Variants in AKAP13 observed in about 807,000 individuals in gnomAD.
The protein encoded by AKAP13 is A-kinase anchor protein 13.
In AKAP13, 80 loss-of-function variants were observed where a neutral mutation model predicts 264.5. The ratio of observed to expected loss-of-function variants is 0.30; its 90% CI spans 0.25 to 0.36. AKAP13 has a LOEUF of 0.36. AKAP13 is among the 10% of genes least tolerant of loss of function. The probability of loss-of-function intolerance (pLI) is 1.00; values close to 1 mark genes in which losing one functional copy is unlikely to be tolerated. For synonymous variants in AKAP13, 1,380 were observed against 1,250.2 expected, an observed-to-expected ratio of 1.10 and a Z score of -2.19; for missense variants, 3,712 against 3,435.2, an observed-to-expected ratio of 1.08 and a Z score of -2.01.
intron 8 of AKAP13, among the ~76,000 whole-genome samples, chr15:85,600,153 C>T (rs2079991562): frequency 6.6e-6 from 1 of 152,052 alleles, no homozygotes; most frequent in African/African-American, 2.4e-5. Context: ...GATAACTAAA[C>T]ATAAGCCTCT....
intron 8 of AKAP13, among the ~76,000 whole-genome samples, chr15:85,587,577 G>C (rs1267061559): frequency 6.6e-6 from 1 of 151,722 alleles, no homozygotes; most frequent in Non-Finnish European, 1.5e-5. Flanking sequence ...CATTTATTTG[G>C]CTTCAAAAAT....
At chr15:85,402,031 C>CCTTGGGCAG (rs2071444752) in intron 1 of AKAP13, among the ~76,000 whole-genome samples, 1 of 152,162 alleles carries the variant, frequency 6.6e-6, no homozygotes, top group Non-Finnish European at 1.5e-5. Context: ...TAGTTTGCTG[C>CCTTGGGCAG]CAACAACCTT....
intron 17 of AKAP13, among the ~76,000 whole-genome samples, chr15:85,694,946 C>T (rs1353355818): frequency 7.2e-5 from 11 of 152,016 alleles, no homozygotes; most frequent in Admixed American, 7.2e-4. Context: ...AGTTAACTTA[C>T]TGAAATCTGA....
Position 85,475,121 on chromosome 15 carries a change from G to A in AKAP13, c.-11-10589G>A, listed in dbSNP as rs189174838. On this transcript the variant is annotated intron_variant, in intron 1 of 36. Coordinates refer to ENST00000394518, the MANE Select transcript of AKAP13 (RefSeq NM_007200.5). ...TTTTTGGTTGATAGAGGCTGGGGAG[G>A]ATGAAGGAAGTGTAAAGGCTTGAAT... Among the ~76,000 whole-genome samples the A allele has an allele frequency of 3.9e-4, 60 of 152,320 alleles. 1 individual carries two copies. Among genetic ancestry groups the A allele is most frequent in the Admixed American group, 3.5e-3 (54 of 15,300 alleles).
chr15:85,386,733 A>G (rs531311884), intron 1 of AKAP13, among the ~76,000 whole-genome samples: 16 of 149,136 alleles, frequency 1.1e-4, no homozygotes, highest in East Asian at 1.9e-4. Flanking sequence ...TTTTGAAAAG[A>G]CTGTCCTTTC....
intron 2 of AKAP13, among the ~76,000 whole-genome samples, chr15:85,508,013 T>C (rs778871239): frequency 3.3e-5 from 5 of 152,040 alleles, no homozygotes; most frequent in Non-Finnish European, 7.4e-5. Flanking sequence ...TCTGTGGCAT[T>C]TTGCTTTGTC....
rs368266754 is a variant in AKAP13, at chr15:85,392,674, G to C, written c.-12+11876G>C. On this transcript the variant is annotated intron_variant, in intron 1 of 36. Coordinates refer to ENST00000394518, the MANE Select transcript of AKAP13 (RefSeq NM_007200.5). ...TCCCACTCCAGCCTTCCTAGTTGCT[G>C]TGACTATAGGCACACGCCACTGCAC... 9.2e-5 allele frequency among the ~76,000 whole-genome samples: 14 copies of C among 152,182 alleles called. No homozygotes were observed. In the East Asian group the frequency reaches 1.9e-3, roughly 21 times the overall value.
chr15:85,529,328 GA>G (rs1230192580), intron 3 of AKAP13, among the ~76,000 whole-genome samples: 1 of 152,224 alleles, frequency 6.6e-6, no homozygotes, highest in Non-Finnish European at 1.5e-5. Flanking sequence ...GGCTGAGGCA[GA>G]AGAATGGTGT....
intron 33 of AKAP13, among the ~76,000 whole-genome samples, chr15:85,738,865 A>C (rs1429540283): frequency 6.6e-6 from 1 of 151,928 alleles, no homozygotes; most frequent in Non-Finnish European, 1.5e-5. Flanking sequence ...AAAAAAAAAA[A>C]AAAGTTTGGT....
At chr15:85,526,551 G>A (rs1316837427) in intron 3 of AKAP13, among the ~76,000 whole-genome samples, 1 of 152,106 alleles carries the variant, frequency 6.6e-6, no homozygotes, top group East Asian at 1.9e-4. Flanking sequence ...GATTACAGGC[G>A]TGACCCACCA....
chr15:85,743,970 CT>C, intron 36 of AKAP13, 145 bp downstream of exon 36: 1 of 938,190 alleles, frequency 1.1e-6, no homozygotes, highest in Non-Finnish European at 1.5e-6. Context: ...ACCAGCTCCG[CT>C]TGCTAAGAGC....
At chr15:85,618,525 C>T (rs1286547180) in intron 8 of AKAP13, among the ~76,000 whole-genome samples, 1 of 152,028 alleles carries the variant, frequency 6.6e-6, no homozygotes, top group Non-Finnish European at 1.5e-5. Context: ...AGTTCCTCAT[C>T]CTTTTCCCTC....
intron 6 of AKAP13, chr15:85,577,833 G>C (rs1278232496): frequency 4.1e-6 from 4 of 985,300 alleles, no homozygotes; most frequent in Non-Finnish European, 4.8e-6. Flanking sequence ...AGTTAGATTG[G>C]TTGGAACATA....
At chr15:85,604,220 A>G (rs547199402) in intron 8 of AKAP13, among the ~76,000 whole-genome samples, 6 of 152,326 alleles carry the variant, frequency 3.9e-5, no homozygotes, top group South Asian at 2.1e-4. Flanking sequence ...ACTATTTCCT[A>G]TTTACATAAT....
chr15:85,615,522 A>G (rs1329224970), intron 8 of AKAP13, among the ~76,000 whole-genome samples: 1 of 152,250 alleles, frequency 6.6e-6, no homozygotes, highest in African/African-American at 2.4e-5. Context: ...CTAAGCAGAC[A>G]GGAGTTGCTC....
Position 85,747,311 on chromosome 15 carries a change from C to CTT in AKAP13, c.*2637_*2638dup, listed in dbSNP as rs1200421638. On this transcript the variant is annotated 3_prime_UTR_variant, in exon 37 of 37. Transcript: ENST00000394518. ...TTACCTGGGATGGTGGCTGCCTGTG[C>CTT]TTTTGCTCATGGCCTTGACAGTGCT... is the stretch of plus-strand genomic sequence containing the variant. 1 of 152,350 alleles carries CTT rather than the reference C, an allele frequency of 6.6e-6. No homozygotes were observed. Among genetic ancestry groups the CTT allele is most frequent in the Non-Finnish European group, 1.5e-5 (1 of 68,126 alleles). 9.4% of individuals were successfully genotyped at this position (152,350 alleles called of 1,614,324 possible). A position where few individuals can be genotyped will look rare whatever the true frequency, so the allele number is the denominator to read the frequency against.
intron 30 of AKAP13, among the ~76,000 whole-genome samples, chr15:85,733,272 T>C (rs891760878): frequency 6.6e-6 from 1 of 152,248 alleles, no homozygotes; most frequent in African/African-American, 2.4e-5. Flanking sequence ...CCCAAGGTAT[T>C]AATTACTCTC....
intron 1 of AKAP13, among the ~76,000 whole-genome samples, chr15:85,473,409 A>G (rs958441088): frequency 2.6e-5 from 4 of 152,208 alleles, no homozygotes; most frequent in Admixed American, 6.5e-5. Context: ...TTGAGTGCAT[A>G]CTCTGGACCG....
intron 9 of AKAP13, among the ~76,000 whole-genome samples, chr15:85,644,806 C>CA (rs898183344): frequency 2.0e-5 from 3 of 151,536 alleles, no homozygotes; most frequent in Admixed American, 2.0e-4. Context: ...GCGGAAGTTG[C>CA]AAAAACTTAT....
Sources: allele counts gnomAD v4.1 joint callset (sites outside exome capture counted in the v4.1 genomes callset), GRCh38; gene constraint gnomAD v4.1.1; transcripts MANE v1.5; gene names NCBI Gene and HGNC (gene_info 2026-07-23, HGNC 2026-07-21).